The following ABLIM1 variants were observed in gnomAD, a reference collection of about 807,000 sequenced individuals.
The protein encoded by ABLIM1 is actin-binding LIM protein 1.
In ABLIM1, 40 loss-of-function variants were observed where a neutral mutation model predicts 107.0. That is an observed-to-expected ratio of 0.37 (90% CI 0.29 to 0.49). The LOEUF (loss-of-function observed/expected upper bound fraction) is 0.49. Ranked by LOEUF, ABLIM1 falls within the 20% of genes least tolerant of loss-of-function variation. The probability of loss-of-function intolerance (pLI) is 0.97; values close to 1 mark genes in which losing one functional copy is unlikely to be tolerated. For missense variants in ABLIM1, 857 were observed against 1,008.5 expected, an observed-to-expected ratio of 0.85 and a Z score of 2.04; for synonymous variants, 357 against 357.3, an observed-to-expected ratio of 1.00 and a Z score of 0.01.
upstream of ABLIM1, among the ~76,000 whole-genome samples, chr10:114,770,363 A>G (rs2083008423): frequency 1.3e-5 from 2 of 152,176 alleles, no homozygotes; most frequent in African/African-American, 4.8e-5. Context: ...GTCCTTCATA[A>G]TCTGTGCTTT....
At chr10:114,722,608 AAATG>A (rs1202188072) in intron 1 of ABLIM1, among the ~76,000 whole-genome samples, 1 of 152,266 alleles carries the variant, frequency 6.6e-6, no homozygotes, top group Non-Finnish European at 1.5e-5. Context: ...AAACACACAT[AAATG>A]AACACATTGT....
At chr10:114,506,125 G>A (rs1220209544) in intron 6 of ABLIM1, among the ~76,000 whole-genome samples, 2 of 152,188 alleles carry the variant, frequency 1.3e-5, no homozygotes, top group East Asian at 1.9e-4. Flanking sequence ...GTATTTTTCT[G>A]TTCCTGTATT....
intron 8 of ABLIM1, among the ~76,000 whole-genome samples, chr10:114,474,416 T>C (rs1250915116): frequency 1.4e-5 from 2 of 142,762 alleles, no homozygotes; most frequent in African/African-American, 5.4e-5. Flanking sequence ...AGTCTCACTC[T>C]GTCGCCCAGG....
rs145478508 is a variant in ABLIM1, at chr10:114,699,905, T to C, written c.-213+68156A>G. On this transcript the variant is annotated intron_variant, in intron 1 of 15. Coordinates refer to the ABLIM1 transcript ENST00000651092. ...TACTGGTTGTGATATTATACCACAG[T>C]ATTGCAAGATGTTGCCCCAATCCAT... Among the ~76,000 whole-genome samples, 882 of 152,300 alleles carry C rather than the reference T, an allele frequency of 5.8e-3. 32 individuals carry two copies. Among genetic ancestry groups the C allele is most frequent in the Admixed American group, 0.049 (749 of 15,284 alleles).
At chr10:114,469,686 G>A (rs765111632) in intron 10 of ABLIM1, among the ~76,000 whole-genome samples, 3 of 152,140 alleles carry the variant, frequency 2.0e-5, no homozygotes, top group Non-Finnish European at 4.4e-5. Flanking sequence ...TGTCTCCCAC[G>A]TGATGCCACA....
Position 114,453,400 on chromosome 10 carries a change from G to A in ABLIM1, c.1525C>T (p.Pro509Ser). The change falls in exon 13 of 23, where the codon CCT (proline) becomes TCT (serine). Residue 509 changes from proline (P) to serine (S), a missense_variant. This residue lies in a region of ABLIM1 where 381 missense variants were observed against 506.9 expected (regional missense o/e 0.75). Transcript: ENST00000533213. ...CTACCTGGAACATGGAAATGTTTAG[G>A]GGCCTGAGCGTAAGTTGGAGTTAGA... ...RPLTPTYAQA[P>S]KHFHVPDQGI... 2 of 1,614,046 alleles carry A rather than the reference G, an allele frequency of 1.2e-6. No individual in the cohort carries two copies. The highest frequency in any genetic ancestry group is 2.2e-5 in the East Asian group (1 of 44,868).
At chr10:114,634,380 C>T (rs937056806) in intron 1 of ABLIM1, among the ~76,000 whole-genome samples, 1 of 151,724 alleles carries the variant, frequency 6.6e-6, no homozygotes, top group Non-Finnish European at 1.5e-5. Flanking sequence ...GATCCGCCCG[C>T]CTCGGCCTCC....
chr10:114,754,516 T>C (rs1200655110), intron 1 of ABLIM1, among the ~76,000 whole-genome samples: 1 of 152,058 alleles, frequency 6.6e-6, no homozygotes, highest in African/African-American at 2.4e-5. Context: ...ATGAAAAAGT[T>C]TGGGTGGGAA....
At chr10:114,760,233 G>C (rs920767999) in intron 1 of ABLIM1, among the ~76,000 whole-genome samples, 17 of 152,020 alleles carry the variant, frequency 1.1e-4, no homozygotes, top group African/African-American at 4.1e-4. Flanking sequence ...CTATTATATT[G>C]TCTTGCTTGC....
At chr10:114,734,426 A>G (rs1035309394) in intron 1 of ABLIM1, among the ~76,000 whole-genome samples, 22 of 151,410 alleles carry the variant, frequency 1.5e-4, no homozygotes, top group Admixed American at 5.9e-4. Context: ...CTCCAATGAC[A>G]CTCTCCCAAA....
intron 1 of ABLIM1, among the ~76,000 whole-genome samples, chr10:114,720,412 T>C (rs1397518465): frequency 6.6e-6 from 1 of 152,208 alleles, no homozygotes; most frequent in African/African-American, 2.4e-5. Flanking sequence ...TTGAGTCAAA[T>C]GGTATTTCTG....
the ABLIM1 span, among the ~76,000 whole-genome samples, chr10:114,788,801 C>T: frequency 6.6e-6 from 1 of 152,042 alleles, no homozygotes; most frequent in Non-Finnish European, 1.5e-5. Flanking sequence ...AGGAGGCTCA[C>T]GTAAAGTTGA....
intron 17 of ABLIM1, among the ~76,000 whole-genome samples, chr10:114,443,212 G>A (rs867036240): frequency 1.3e-5 from 2 of 152,170 alleles, no homozygotes; most frequent in African/African-American, 4.8e-5. Context: ...AATAGATACA[G>A]GGGAAAATAC....
the ABLIM1 span, among the ~76,000 whole-genome samples, chr10:114,783,257 G>A: frequency 1.3e-5 from 2 of 151,802 alleles, no homozygotes; most frequent in Admixed American, 1.3e-4. Flanking sequence ...CTGGGCAACA[G>A]AGTGAGACTC....
chr10:114,745,953 C>T (rs1413539058), intron 1 of ABLIM1, among the ~76,000 whole-genome samples: 3 of 152,088 alleles, frequency 2.0e-5, no homozygotes, highest in Non-Finnish European at 4.4e-5. Context: ...GAGGAGTTCT[C>T]TCAAAATAAG....
chr10:114,764,203 T>C (rs887529103), intron 1 of ABLIM1, among the ~76,000 whole-genome samples: 1 of 152,216 alleles, frequency 6.6e-6, no homozygotes, highest in Non-Finnish European at 1.5e-5. Context: ...TTACAAGTCT[T>C]TGATGAGAGT....
chr10:114,774,316 C>T, the ABLIM1 span, among the ~76,000 whole-genome samples: 1 of 152,178 alleles, frequency 6.6e-6, no homozygotes, highest in Non-Finnish European at 1.5e-5. Flanking sequence ...CCTATGAATG[C>T]CATGGCTTCT....
rs191529097 is a variant in ABLIM1, at chr10:114,641,146, G to A, written c.244+16811C>T. Among the ~76,000 whole-genome samples the A allele has an allele frequency of 2.8e-4, 42 of 151,370 alleles. No homozygotes were observed. In the East Asian group the frequency reaches 7.6e-3, roughly 27 times the overall value. On this transcript the variant is annotated intron_variant, in intron 1 of 22. Transcript: ENST00000533213. The stretch of plus-strand genomic sequence containing the variant: ...GAGACTTTTAATAATATCGAAGCTG[G>A]GGGATTTAACCTGTAACATCTTAAA...
chr10:114,601,993 G>T (rs2076047555), intron 1 of ABLIM1, 32 bp from the exon 2 acceptor site: 2 of 1,611,126 alleles, frequency 1.2e-6, no homozygotes, highest in Non-Finnish European at 1.7e-6. Context: ...ATCCAGGTGA[G>T]TAGAGAGCAT....
Sources: gnomAD v4.1 joint callset for allele counts (sites outside exome capture counted in the v4.1 genomes callset) on GRCh38, gnomAD v4.1.1 for gene constraint, gnomAD v4.1.1 regional missense constraint, MANE v1.5 for transcripts, NCBI Gene and HGNC (gene_info 2026-07-23, HGNC 2026-07-21) for gene names.